M1AP: variants seen among roughly 807,000 people sequenced by gnomAD.
M1AP encodes meiosis 1 arrest protein.
A neutral mutation model predicts 51.2 loss-of-function variants in M1AP; 39 were observed. The ratio of observed to expected loss-of-function variants is 0.76; its 90% CI spans 0.59 to 1.00. The LOEUF is 1.00. Among genes scored for constraint, M1AP ranks in the 50% least tolerant of loss-of-function variants. The probability of loss-of-function intolerance (pLI) is 0.00; values close to 1 mark genes in which losing one functional copy is unlikely to be tolerated. For missense variants in M1AP, 545 were observed against 641.2 expected (o/e 0.85, Z 1.62); for synonymous variants, 251 against 249.2 (o/e 1.01, Z -0.07).
chr2:74,579,099 T>A (rs1679253492), intron 5 of M1AP, among the ~76,000 whole-genome samples: 1 of 152,182 alleles, frequency 6.6e-6, no homozygotes, highest in African/African-American at 2.4e-5. Context: ...CCACTGTGCA[T>A]CCCGAAGACC....
chr2:74,572,088 C>T lies in M1AP; in HGVS notation c.1074+3350G>A, dbSNP rs375386945. 2.6e-5 allele frequency among the ~76,000 whole-genome samples: 4 copies of T among 151,704 alleles called. No homozygotes were observed. In the East Asian group the frequency reaches 5.8e-4, roughly 22 times the overall value. ...TTTAATCTAGATGAGGTGGACCAAA[C>T]GGAGTAAAGAGAACAGCAGTACAAG... On this transcript the variant is annotated intron_variant, in intron 7 of 10. Transcript: ENST00000421985.
rs775312129 is a variant in M1AP, at chr2:74,640,100, C to A, written c.176G>T (p.Ser59Ile). 12 of 1,614,066 alleles carry A rather than the reference C, an allele frequency of 7.4e-6. No individual in the cohort carries two copies. Among genetic ancestry groups the A allele is most frequent in the Non-Finnish European group, 8.5e-7 (1 of 1,180,038 alleles). The change falls in exon 2 of 11, where the codon AGC (serine) becomes ATC (isoleucine). Residue 59 changes from serine (S) to isoleucine (I), a missense_variant. Physicochemically the swap from Ser to Ile is moderately radical, Grantham distance 142. Coordinates refer to ENST00000421985, the MANE Select transcript of M1AP (RefSeq NM_001321739.2). ...GTATAAACTGAACAGGGACATGCGG[C>A]TGGGGCCCATCAAGCTGCAGGCTAG... ...FSLACSLMGP[S>I]RMSLFSLYMV...
intron 5 of M1AP, among the ~76,000 whole-genome samples, chr2:74,579,864 G>A (rs1679300571): frequency 6.6e-6 from 1 of 152,140 alleles, no homozygotes. Context: ...CTGAAGTGCA[G>A]TGGCTCCATC....
At chr2:74,580,801 C>T (rs1679359622) in intron 5 of M1AP, among the ~76,000 whole-genome samples, 1 of 152,206 alleles carries the variant, frequency 6.6e-6, no homozygotes, top group Admixed American at 6.5e-5. Context: ...GCCACTACCA[C>T]TACCAGTATT....
In M1AP at chr2:74,572,342, C is replaced by G. The variant is rs114207113; in HGVS notation, c.1074+3096G>C. Reference sequence around the variant, plus strand: ...TAAATTTTCTTTCTTTCCCACCCCCCCTAAGCAGTGTCTCCCTCTGTCGCC... The same window carrying G: ...TAAATTTTCTTTCTTTCCCACCCCCGCTAAGCAGTGTCTCCCTCTGTCGCC... On this transcript the variant is annotated intron_variant, in intron 7 of 10. Coordinates refer to ENST00000421985, the MANE Select transcript of M1AP (RefSeq NM_001321739.2). Among the ~76,000 whole-genome samples the G allele has an allele frequency of 1.2e-4, 18 of 152,278 alleles. No homozygotes were observed. The East Asian group carries it at 2.3e-3, about 20-fold the overall frequency.
chr2:74,586,867 T>C (rs1211548815), intron 4 of M1AP, among the ~76,000 whole-genome samples: 4 of 152,072 alleles, frequency 2.6e-5, no homozygotes. Context: ...CCAGGTGTGG[T>C]GGTGCATGCC....
intron 8 of M1AP, among the ~76,000 whole-genome samples, chr2:74,560,855 C>T (rs1677876541): frequency 6.6e-6 from 1 of 152,196 alleles, no homozygotes; most frequent in Admixed American, 6.5e-5. Context: ...CTCTCTGTGT[C>T]TCTGTGGCCG....
At chr2:74,611,890 T>TTG (rs1553414971) in intron 3 of M1AP, among the ~76,000 whole-genome samples, 3 of 72,536 alleles carry the variant, frequency 4.1e-5, no homozygotes, top group Non-Finnish European at 8.6e-5. Flanking sequence ...GTGTTTTTTT[T>TTG]TTTTTTTTTT....
At position 74,615,010 on chromosome 2, in the gene M1AP, C is replaced by T. The variant is rs760554579; in HGVS notation, c.380G>A (p.Ser127Asn). The change falls in exon 3 of 11, where the codon AGC becomes AAC. Residue 127 changes from serine (S) to asparagine (N), a missense_variant. Physicochemically the swap from Ser to Asn is conservative, Grantham distance 46. Transcript: ENST00000421985. Reference sequence around the variant, plus strand: ...AGCTGCCCTTGTGGTCACATGTCTGCTGTATTGTTTGAATTGCTGGAGCCC... The same window carrying T: ...AGCTGCCCTTGTGGTCACATGTCTGTTGTATTGTTTGAATTGCTGGAGCCC... ...EDGLQQFKQY[S>N]RHVTTRAALT... 6.2e-7 allele frequency: 1 copy of T among 1,614,172 alleles called. No individual in the cohort carries two copies. The highest frequency in any genetic ancestry group is 1.1e-5 in the South Asian group (1 of 91,076).
At chr2:74,643,496 A>G (rs1301055444) in intron 1 of M1AP, among the ~76,000 whole-genome samples, 1 of 152,232 alleles carries the variant, frequency 6.6e-6, no homozygotes, top group Non-Finnish European at 1.5e-5. Flanking sequence ...ATTGATTATC[A>G]CAAAAATGAG....
At position 74,607,217 on chromosome 2, in the gene M1AP, T is replaced by C. The variant is rs770347616; in HGVS notation, c.433A>G (p.Ile145Val). 2 of 1,614,000 alleles carry C rather than the reference T, an allele frequency of 1.2e-6. No individual in the cohort carries two copies. Among genetic ancestry groups the C allele is most frequent in the Non-Finnish European group, 1.7e-6 (2 of 1,179,890 alleles). The change falls in exon 4 of 11, where the codon ATT (isoleucine) becomes GTT (valine). Residue 145 changes from isoleucine to valine, a missense_variant. By Grantham distance (29) the Ile-to-Val change is conservative. Coordinates refer to ENST00000421985, the MANE Select transcript of M1AP (RefSeq NM_001321739.2). ...TCTTTTCCAGGCTGAGAAGTCAGAA[T>C]AGTAATCTGAAAATAAATCCAAGAA... Reference protein sequence around the residue: ...ALTYTSLEITILTSQPGKEVV... With the variant: ...ALTYTSLEITVLTSQPGKEVV...
intron 2 of M1AP, among the ~76,000 whole-genome samples, chr2:74,631,975 A>G (rs1682732665): frequency 6.6e-6 from 1 of 152,220 alleles, no homozygotes; most frequent in African/African-American, 2.4e-5. Context: ...GTCAGTGACA[A>G]TGGATTTAAG....
At chr2:74,632,415 C>G (rs1448058433) in intron 2 of M1AP, among the ~76,000 whole-genome samples, 2 of 152,178 alleles carry the variant, frequency 1.3e-5, no homozygotes, top group East Asian at 3.8e-4. Context: ...TCCTCAGGCC[C>G]TCTGTCAAGA....
chr2:74,579,791 A>T (rs76164978), intron 5 of M1AP, among the ~76,000 whole-genome samples: 5,985 of 151,348 alleles, frequency 0.04, 281 homozygotes, highest in African/African-American at 0.11. Context: ...TCTTTTTTTT[A>T]AAAAAAAATC....
intron 7 of M1AP, among the ~76,000 whole-genome samples, chr2:74,565,089 G>C (rs185622991): frequency 1.3e-5 from 2 of 152,248 alleles, no homozygotes; most frequent in Non-Finnish European, 2.9e-5. Context: ...CAGGCATGGT[G>C]GTGTATGCCT....
At chr2:74,569,876 T>TTGTGTGTGTGTGTG (rs373202091) in intron 7 of M1AP, among the ~76,000 whole-genome samples, 13 of 149,410 alleles carry the variant, frequency 8.7e-5, no homozygotes, top group African/African-American at 2.7e-4. Context: ...TAGAGATAAT[T>TTGTGTGTGTGTGTG]TGTGTGTGTG....
intron 4 of M1AP, among the ~76,000 whole-genome samples, chr2:74,583,038 T>A (rs1679507233): frequency 6.6e-6 from 1 of 150,902 alleles, no homozygotes; most frequent in African/African-American, 2.4e-5. Context: ...ATAAATAAAA[T>A]AAATAAAAAA....
chr2:74,617,267 C>A (rs1404324893), intron 2 of M1AP, among the ~76,000 whole-genome samples: 4 of 152,172 alleles, frequency 2.6e-5, no homozygotes, highest in Non-Finnish European at 5.9e-5. Flanking sequence ...AGCCTTACTT[C>A]TCAGTGATCA....
At chr2:74,592,392 T>C (rs973473555) in intron 4 of M1AP, among the ~76,000 whole-genome samples, 23 of 152,202 alleles carry the variant, frequency 1.5e-4, no homozygotes, top group African/African-American at 5.3e-4. Context: ...TCTCTAATTA[T>C]GGGTGAGGTT....
Sources: gnomAD v4.1 joint callset for allele counts (sites outside exome capture counted in the v4.1 genomes callset) on GRCh38, gnomAD v4.1.1 for gene constraint, MANE v1.5 for transcripts, NCBI Gene and HGNC (gene_info 2026-07-23, HGNC 2026-07-21) for gene names.